COA1: variants seen among roughly 807,000 people sequenced by gnomAD.
COA1 encodes the protein cytochrome c oxidase assembly factor 1.
In COA1, 13 loss-of-function variants were observed where a neutral mutation model predicts 16.0. The ratio of observed to expected loss-of-function variants is 0.81; its 90% CI spans 0.53 to 1.29. The LOEUF is 1.29. COA1 is among the 50% of genes most tolerant of loss of function. The pLI, the probability that COA1 is intolerant of heterozygous loss-of-function variation, is 0.00. For synonymous variants in COA1, 65 were observed against 65.7 expected, an observed-to-expected ratio of 0.99 and a Z score of 0.05; for missense variants, 179 against 177.0, an observed-to-expected ratio of 1.01 and a Z score of -0.06.
In COA1 at chr7:43,691,260, G is replaced by GAAAGAAAAGAAAAGAAAAGA. The variant is rs774114457; in HGVS notation, c.-39+38168_-39+38169insTCTTTTCTTTTCTTTTCTTT. Among the ~76,000 whole-genome samples the GAAAGAAAAGAAAAGAAAAGA allele has an allele frequency of 2.5e-3, 82 of 33,336 alleles. 3 individuals carry two copies. The highest frequency in any genetic ancestry group is 0.01 in the East Asian group (16 of 1,546). 21.9% of individuals were successfully genotyped at this position (33,336 alleles called of 152,430 possible). ...CAAGACCTTGACTCAAAAAAAGAAA[G>GAAAGAAAAGAAAAGAAAAGA]AAAGAAAAGAAAGAAAGAAAGAAAG... On this transcript the variant is annotated intron_variant, in intron 1 of 5. Transcript: ENST00000223336.
At chr7:43,660,994 C>T (rs954797263) in intron 1 of COA1, among the ~76,000 whole-genome samples, 2 of 151,974 alleles carry the variant, frequency 1.3e-5, no homozygotes, top group East Asian at 1.9e-4. Context: ...CTGAGCAGAA[C>T]ATGGTAAGTG....
At chr7:43,640,440 T>A in intron 5 of COA1, 133 bp downstream of exon 5, 1 of 729,246 alleles carries the variant, frequency 1.4e-6, no homozygotes, top group Non-Finnish European at 2.3e-6. Flanking sequence ...CCACGAAGCT[T>A]TCAGCTTCAA....
At chr7:43,644,764 A>AT (rs1563228896) in intron 4 of COA1, among the ~76,000 whole-genome samples, 2,521 of 74,616 alleles carry the variant, frequency 0.034, 69 homozygotes, top group Middle Eastern at 0.093. Flanking sequence ...ATAGATAGGC[A>AT]GGCAGGCAGG....
At chr7:43,667,420 T>C (rs541650215) in intron 1 of COA1, among the ~76,000 whole-genome samples, 58 of 152,368 alleles carry the variant, frequency 3.8e-4, no homozygotes, top group African/African-American at 1.3e-3. Flanking sequence ...TAATATATGT[T>C]CCCAAATTGA....
intron 1 of COA1, among the ~76,000 whole-genome samples, chr7:43,708,227 G>A (rs1001981362): frequency 6.6e-6 from 1 of 152,166 alleles, no homozygotes. Flanking sequence ...TAACACTTTG[G>A]AACGCTGAGG....
intron 1 of COA1, among the ~76,000 whole-genome samples, chr7:43,664,471 G>T (rs2092744577): frequency 1.3e-5 from 2 of 152,202 alleles, no homozygotes; most frequent in Non-Finnish European, 2.9e-5. Context: ...ATCACATAAA[G>T]AAATATAGAA....
At chr7:43,690,316 T>C (rs1428049967) in intron 1 of COA1, among the ~76,000 whole-genome samples, 1 of 152,148 alleles carries the variant, frequency 6.6e-6, no homozygotes, top group African/African-American at 2.4e-5. Context: ...GTTTATATTA[T>C]AACAGCACAA....
chr7:43,712,858 T>C (rs545163508), intron 1 of COA1, among the ~76,000 whole-genome samples: 3 of 152,358 alleles, frequency 2.0e-5, no homozygotes, highest in Non-Finnish European at 4.4e-5. Flanking sequence ...TTTTTCATTT[T>C]CTAGCTGGAC....
chr7:43,695,995 G>A (rs1161816157), intron 1 of COA1, among the ~76,000 whole-genome samples: 1 of 152,152 alleles, frequency 6.6e-6, no homozygotes, highest in Non-Finnish European at 1.5e-5. Flanking sequence ...AAAGAAAGAG[G>A]TTTAATCGAC....
chr7:43,696,239 C>T (rs926619793), intron 1 of COA1, among the ~76,000 whole-genome samples: 2 of 152,176 alleles, frequency 1.3e-5, no homozygotes, highest in South Asian at 2.1e-4. Flanking sequence ...AGAAAATGAA[C>T]CAGCAGGGGA....
At chr7:43,678,431 T>C (rs1008845599) in intron 1 of COA1, among the ~76,000 whole-genome samples, 9 of 152,194 alleles carry the variant, frequency 5.9e-5, no homozygotes, top group Admixed American at 2.6e-4. Context: ...CAATGATTAC[T>C]TGGATATGAT....
chr7:43,662,286 G>T (rs1199140007), intron 1 of COA1, among the ~76,000 whole-genome samples: 1 of 152,348 alleles, frequency 6.6e-6, no homozygotes, highest in Admixed American at 6.5e-5. Context: ...CTGGAGTGCA[G>T]TGGCACGATC....
intron 6 of COA1, chr7:43,619,783 T>C (rs2083688710): frequency 1.9e-6 from 3 of 1,584,038 alleles, no homozygotes; most frequent in Admixed American, 3.6e-5. Context: ...TTAGGGGACT[T>C]GTCCATGTGG....
exon 7 of COA1, chr7:43,608,483 G>T: frequency 6.7e-7 from 1 of 1,484,046 alleles, no homozygotes; most frequent in Non-Finnish European, 9.1e-7. Context: ...ATTCAAACAT[G>T]TTTCACGTTT....
chr7:43,673,391 A>T (rs2093366916), intron 1 of COA1, among the ~76,000 whole-genome samples: 1 of 152,250 alleles, frequency 6.6e-6, no homozygotes, highest in Non-Finnish European at 1.5e-5. Context: ...CATATGAAAA[A>T]AAGTTCCACA....
At chr7:43,632,802 GC>G (rs1325379763) in intron 6 of COA1, 1 of 152,132 alleles carries the variant, frequency 6.6e-6, no homozygotes, top group Non-Finnish European at 1.5e-5. Context: ...ACCCGCCCCA[GC>G]CTCCCAAAGT....
intron 1 of COA1, among the ~76,000 whole-genome samples, chr7:43,661,564 G>C (rs1055538894): frequency 1.3e-5 from 2 of 152,096 alleles, no homozygotes; most frequent in East Asian, 3.9e-4. Flanking sequence ...GAACCCGGGA[G>C]GCGGAGCTTG....
chr7:43,675,159 T>C (rs1425766523), intron 1 of COA1, among the ~76,000 whole-genome samples: 7 of 152,130 alleles, frequency 4.6e-5, no homozygotes, highest in Admixed American at 2.0e-4. Flanking sequence ...TTTCAAGCAA[T>C]AGCAAAGACT....
intron 1 of COA1, among the ~76,000 whole-genome samples, chr7:43,678,961 A>C (rs7788866): frequency 0.44 from 66,564 of 152,014 alleles, 15,143 homozygotes; most frequent in African/African-American, 0.57. Context: ...TTTAAGTCAA[A>C]GAAAAATCAA....
Sources: allele counts gnomAD v4.1 joint callset (sites outside exome capture counted in the v4.1 genomes callset), GRCh38; gene constraint gnomAD v4.1.1; transcripts MANE v1.5; gene names NCBI Gene and HGNC (gene_info 2026-07-23, HGNC 2026-07-21).